The following ACSL3 variants were observed in gnomAD, a reference collection of about 807,000 sequenced individuals.
The protein encoded by ACSL3 is acyl-CoA synthetase long chain family member 3.
In ACSL3, 34 loss-of-function variants were observed where a neutral mutation model predicts 84.7. The ratio of observed to expected loss-of-function variants is 0.40; its 90% confidence interval spans 0.31 to 0.53. The LOEUF is 0.53. ACSL3 is among the 20% of genes least tolerant of loss of function. The pLI is 0.48. For synonymous variants in ACSL3, 315 were observed against 299.4 expected (o/e 1.05, Z -0.54); for missense variants, 680 against 873.1 (o/e 0.78, Z 2.79).
rs1412819505 is a variant in ACSL3 at position 222,942,193 on chromosome 2, A to G, written c.*539A>G. 3.1e-5 allele frequency: 6 copies of G among 194,058 alleles called. No individual in the cohort carries two copies. Among genetic ancestry groups the G allele is most frequent in the African/African-American group, 9.3e-5 (4 of 43,214 alleles). The allele number at this position is 194,058 out of a possible 1,614,324, so 12.0% of individuals were successfully genotyped here. On this transcript the variant is annotated 3_prime_UTR_variant, in exon 17 of 17. Transcript: ENST00000357430. ...ATTGTCTTGTATGCATTTGAGAGAA[A>G]TAAATATACCCATACTTATGTTTTA... is the stretch of plus-strand genomic sequence containing the variant.
intron 15 of ACSL3, among the ~76,000 whole-genome samples, chr2:222,933,886 A>G (rs533452096): frequency 1.3e-5 from 2 of 152,374 alleles, no homozygotes; most frequent in South Asian, 2.1e-4. Context: ...CAAGTTAGAA[A>G]TGAATTGCAT....
intron 4 of ACSL3, 71 bp from the exon 5 acceptor site, chr2:222,916,248 G>T: frequency 9.7e-7 from 1 of 1,029,860 alleles, no homozygotes; most frequent in South Asian, 2.9e-5. Context: ...ATAACATTTG[G>T]ACGATATTCT....
chr2:222,874,947 CA>C (rs889260193), intron 1 of ACSL3, among the ~76,000 whole-genome samples: 29 of 132,738 alleles, frequency 2.2e-4, no homozygotes, highest in East Asian at 4.3e-4. Flanking sequence ...TCTCTACCAA[CA>C]AAAAAAAAAG....
intron 11 of ACSL3, among the ~76,000 whole-genome samples, chr2:222,925,010 G>A (rs1696839429): frequency 7.2e-6 from 1 of 139,064 alleles, no homozygotes; most frequent in Admixed American, 7.4e-5. Context: ...CTGCCTGGGC[G>A]ACAGAGCGAG....
At chr2:222,912,196 G>A (rs1290410955) in intron 4 of ACSL3, among the ~76,000 whole-genome samples, 3 of 152,256 alleles carry the variant, frequency 2.0e-5, no homozygotes, top group African/African-American at 7.2e-5. Flanking sequence ...AAAGTGTGCA[G>A]TGTCGCTGGT....
chr2:222,927,755 T>C (rs1696920731), intron 12 of ACSL3, among the ~76,000 whole-genome samples: 1 of 152,196 alleles, frequency 6.6e-6, no homozygotes, highest in African/African-American at 2.4e-5. Flanking sequence ...GAGAAAGTTA[T>C]TTTGCTTTCC....
chr2:222,911,370 C>G (rs1696436461), intron 4 of ACSL3, among the ~76,000 whole-genome samples: 1 of 152,146 alleles, frequency 6.6e-6, no homozygotes, highest in South Asian at 2.1e-4. Context: ...TTATGGCACT[C>G]TGTTCTTGAG....
At chr2:222,886,870 C>T (rs1574527401) in intron 1 of ACSL3, among the ~76,000 whole-genome samples, 1 of 152,126 alleles carries the variant, frequency 6.6e-6, no homozygotes, top group East Asian at 1.9e-4. Context: ...TCAACATCCC[C>T]CTACCTCCCC....
rs1447539889 is a variant in ACSL3 at position 222,943,258 on chromosome 2, A to G, written c.*1604A>G. The stretch of plus-strand genomic sequence containing the variant: ...GTTTTCAACTTTTCTTGTATTGTAT[A>G]TTTGTATTATGTTTTGAATGCTTTT... On this transcript the variant is annotated 3_prime_UTR_variant, in exon 17 of 17. Transcript: ENST00000357430. 2.7e-5 allele frequency: 5 copies of G among 187,698 alleles called. No individual in the cohort carries two copies. The highest frequency in any genetic ancestry group is 6.6e-5 in the Admixed American group (1 of 15,252). 11.6% of individuals were successfully genotyped at this position (187,698 alleles called of 1,614,324 possible). A position where few individuals can be genotyped will look rare whatever the true frequency, so the allele number is the denominator to read the frequency against.
chr2:222,888,262 G>T (rs930809469), intron 2 of ACSL3, among the ~76,000 whole-genome samples: 1 of 152,298 alleles, frequency 6.6e-6, no homozygotes, highest in African/African-American at 2.4e-5. Flanking sequence ...AGTAGAGATT[G>T]TAGTTTCAAG....
chr2:222,879,067 G>T (rs1364514076), intron 1 of ACSL3, among the ~76,000 whole-genome samples: 2 of 152,122 alleles, frequency 1.3e-5, no homozygotes, highest in Non-Finnish European at 2.9e-5. Context: ...CTGTAATTTC[G>T]ACACTTTGGG....
intron 1 of ACSL3, among the ~76,000 whole-genome samples, chr2:222,875,413 T>C (rs1695421382): frequency 6.6e-6 from 1 of 152,208 alleles, no homozygotes; most frequent in African/African-American, 2.4e-5. Context: ...AATAATGAGT[T>C]GATCTGTGTA....
chr2:222,918,340 A>T (rs1696640910), intron 6 of ACSL3, among the ~76,000 whole-genome samples, 185 bp downstream of exon 6: 1 of 152,118 alleles, frequency 6.6e-6, no homozygotes, highest in South Asian at 2.1e-4. Context: ...TTCATGTATA[A>T]GTAATCCAGA....
At chr2:222,934,883 G>A (rs1018525968) in intron 16 of ACSL3, among the ~76,000 whole-genome samples, 196 bp downstream of exon 16, 6 of 152,184 alleles carry the variant, frequency 3.9e-5, no homozygotes, top group Admixed American at 6.5e-5. Context: ...CCAAACTGAT[G>A]TACATGTATC....
chr2:222,917,135 G>A (rs1696606005), intron 5 of ACSL3, among the ~76,000 whole-genome samples: 1 of 152,112 alleles, frequency 6.6e-6, no homozygotes, highest in African/African-American at 2.4e-5. Context: ...CTGTCGCCAG[G>A]CTGGAGTGCA....
At position 222,916,306 on chromosome 2, in the gene ACSL3, T is replaced by C; in HGVS notation, c.379-13T>C. On this transcript the variant is annotated splice_polypyrimidine_tract_variant and intron_variant, in intron 4 of 16. Coordinates refer to ENST00000357430, the MANE Select transcript of ACSL3 (RefSeq NM_004457.5). The stretch of plus-strand genomic sequence containing the variant: ...TTTGATTACATTAAAAAAATTTTTT[T>C]TTGTTTTATCAGGTTATTCTTGGAC... The C allele has an allele frequency of 1.3e-6, 2 of 1,486,284 alleles. No homozygotes were observed. Among genetic ancestry groups the C allele is most frequent in the Non-Finnish European group, 9.0e-7 (1 of 1,112,292 alleles). The allele number at this position is 1,486,284 out of a possible 1,614,324, so 92.1% of individuals were successfully genotyped here. A position where few individuals can be genotyped will look rare whatever the true frequency, so the allele number is the denominator to read the frequency against.
At chr2:222,882,987 TC>T (rs1695629050) in intron 1 of ACSL3, among the ~76,000 whole-genome samples, 1 of 95,078 alleles carries the variant, frequency 1.1e-5, no homozygotes, top group South Asian at 4.0e-4. Context: ...CAGGATGGGC[TC>T]GAATCTCCTG....
At chr2:222,932,758 C>A (rs1158957638) in intron 14 of ACSL3, among the ~76,000 whole-genome samples, 1 of 33,936 alleles carries the variant, frequency 2.9e-5, no homozygotes, top group Non-Finnish European at 4.6e-5. Context: ...GGTGAAACCC[C>A]GTCTCTACTA....
chr2:222,898,064 G>A lies in ACSL3; in HGVS notation c.-147-2610G>A, dbSNP rs111258669. On this transcript the variant is annotated intron_variant, in intron 2 of 16. Coordinates refer to ENST00000357430, the MANE Select transcript of ACSL3 (RefSeq NM_004457.5). ...TAAGCTCTTTTCAAGTTTAAGGTCA[G>A]TGGAGACCTTCACATTATCAAAACC... Among the ~76,000 whole-genome samples the A allele has an allele frequency of 7.5e-3, 1,140 of 152,288 alleles. 7 individuals are homozygous for A. The highest frequency in any genetic ancestry group is 0.026 in the African/African-American group (1,089 of 41,548).
Sources: allele counts gnomAD v4.1 joint callset (sites outside exome capture counted in the v4.1 genomes callset), GRCh38; gene constraint gnomAD v4.1.1; transcripts MANE v1.5; gene names NCBI Gene and HGNC (gene_info 2026-07-23, HGNC 2026-07-21).